Variants in ATG10 observed in about 807,000 individuals in gnomAD.
The protein encoded by ATG10 is ubiquitin-like-conjugating enzyme ATG10.
ATG10 carries 30 observed loss-of-function variants against 32.1 expected under a neutral mutation model. The observed-to-expected ratio is 0.94, with a 90% CI of 0.70 to 1.27. ATG10 has a LOEUF of 1.27. Ranked by LOEUF, ATG10 falls within the 50% of genes most tolerant of loss-of-function variation. The pLI, the probability that ATG10 is intolerant of heterozygous loss-of-function variation, is 0.00. For missense variants in ATG10, 233 were observed against 262.3 expected, an observed-to-expected ratio of 0.89 and a Z score of 0.77; for synonymous variants, 87 against 91.5, an observed-to-expected ratio of 0.95 and a Z score of 0.28.
chr5:81,986,618 A>G (rs916460905), intron 1 of ATG10, among the ~76,000 whole-genome samples: 2 of 152,164 alleles, frequency 1.3e-5, no homozygotes, highest in African/African-American at 4.8e-5. Flanking sequence ...TATCTAGTAT[A>G]GACAGATCAT....
chr5:82,195,268 G>A (rs891159), intron 5 of ATG10, among the ~76,000 whole-genome samples: 122,661 of 152,146 alleles, frequency 0.81, 49,797 homozygotes, highest in East Asian at 0.99. Flanking sequence ...TCTATCCCCA[G>A]ACTTGGCAGG....
intron 5 of ATG10, among the ~76,000 whole-genome samples, chr5:82,222,689 T>C (rs1450162619): frequency 6.6e-6 from 1 of 152,176 alleles, no homozygotes; most frequent in East Asian, 1.9e-4. Flanking sequence ...TATAGTTTTA[T>C]GGAAATTTGC....
chr5:81,989,342 G>A (rs2149669642), intron 2 of ATG10, among the ~76,000 whole-genome samples: 1 of 152,284 alleles, frequency 6.6e-6, no homozygotes, highest in South Asian at 2.1e-4. Flanking sequence ...TTTTGATCAG[G>A]TCCAGAGTGT....
intron 3 of ATG10, among the ~76,000 whole-genome samples, chr5:82,065,078 AT>A (rs1763899408): frequency 6.6e-6 from 1 of 152,214 alleles, no homozygotes; most frequent in Non-Finnish European, 1.5e-5. Context: ...AGTAGGTAGT[AT>A]GATTTTGCAT....
chr5:82,021,557 G>A (rs1762434717), intron 2 of ATG10, among the ~76,000 whole-genome samples: 2 of 152,324 alleles, frequency 1.3e-5, no homozygotes, highest in African/African-American at 2.4e-5. Flanking sequence ...AAGAAAAAAA[G>A]TCTGTACATG....
chr5:82,170,277 C>T (rs1743750740), intron 4 of ATG10, among the ~76,000 whole-genome samples: 1 of 152,192 alleles, frequency 6.6e-6, no homozygotes, highest in South Asian at 2.1e-4. Context: ...GTTTGAAATA[C>T]CTATTAAAAT....
chr5:82,085,721 G>A (rs1764660918), intron 3 of ATG10, among the ~76,000 whole-genome samples: 1 of 151,964 alleles, frequency 6.6e-6, no homozygotes, highest in Admixed American at 6.6e-5. Context: ...TTACAAAAGT[G>A]TTATTCTATT....
chr5:82,171,899 A>C (rs1157921208), intron 4 of ATG10, among the ~76,000 whole-genome samples: 2 of 152,240 alleles, frequency 1.3e-5, no homozygotes, highest in African/African-American at 4.8e-5. Context: ...AGGAAATCAG[A>C]GATGGATAAT....
At chr5:81,975,322 AAAT>A (rs1760837929) in intron 1 of ATG10, among the ~76,000 whole-genome samples, 1 of 152,218 alleles carries the variant, frequency 6.6e-6, no homozygotes, top group African/African-American at 2.4e-5. Context: ...GTATTCTGAA[AAAT>A]AAAAAAATAT....
chr5:81,974,874 TCTAC>T (rs67487412), intron 1 of ATG10, among the ~76,000 whole-genome samples: 3,528 of 152,322 alleles, frequency 0.023, 70 homozygotes, highest in Non-Finnish European at 0.038. Context: ...TCTTTACTGG[TCTAC>T]CTCATTTCAA....
rs564716039 is a variant in ATG10, at chr5:82,166,068, CTGA to C, written c.355+1535_355+1537del. Among the ~76,000 whole-genome samples the C allele has an allele frequency of 7.3e-4, 111 of 152,314 alleles. 2 individuals carry two copies. The highest frequency in any genetic ancestry group is 2.5e-3 in the African/African-American group (105 of 41,560). Reference sequence around the variant, plus strand: ...TGGAAGTGGGTCTTGCCAAGGCCTGCTGATGAGCTCATATGTGTGCTTTGCTCT... The same window carrying C: ...TGGAAGTGGGTCTTGCCAAGGCCTGCTGAGCTCATATGTGTGCTTTGCTCT... On this transcript the variant is annotated intron_variant, in intron 4 of 7. Transcript: ENST00000282185.
chr5:82,081,658 G>A (rs528571595), intron 3 of ATG10, among the ~76,000 whole-genome samples: 20 of 152,244 alleles, frequency 1.3e-4, no homozygotes, highest in South Asian at 8.3e-4. Context: ...GCTGGATTAC[G>A]TTTATTGATT....
At chr5:82,200,173 A>T (rs1442724265) in intron 5 of ATG10, among the ~76,000 whole-genome samples, 3 of 152,114 alleles carry the variant, frequency 2.0e-5, no homozygotes, top group Non-Finnish European at 4.4e-5. Flanking sequence ...TTTCTGGTCT[A>T]TATGATAATT....
intron 4 of ATG10, among the ~76,000 whole-genome samples, chr5:82,165,218 T>G (rs1252734102): frequency 6.6e-6 from 1 of 152,224 alleles, no homozygotes; most frequent in African/African-American, 2.4e-5. Flanking sequence ...CATTGGGATG[T>G]GCTGCCACCC....
chr5:82,163,514 TGTTTTAATGAGAG>T (rs2149898940), intron 3 of ATG10, among the ~76,000 whole-genome samples: 1 of 152,344 alleles, frequency 6.6e-6, no homozygotes, highest in East Asian at 1.9e-4. Flanking sequence ...TTGTTGTTAC[TGTTTTAATGAGAG>T]GTAGAAATGA....
At chr5:82,079,738 G>A (rs1764409043) in intron 3 of ATG10, among the ~76,000 whole-genome samples, 3 of 152,082 alleles carry the variant, frequency 2.0e-5, no homozygotes, top group Admixed American at 2.0e-4. Context: ...GTGTATATGT[G>A]CCACATTTTC....
chr5:82,067,555 C>CT (rs1217902580), intron 3 of ATG10, among the ~76,000 whole-genome samples: 1 of 152,086 alleles, frequency 6.6e-6, no homozygotes, highest in Non-Finnish European at 1.5e-5. Flanking sequence ...GCTGAATCTT[C>CT]TTTTTACTTT....
chr5:82,190,923 A>G (rs1744639967), intron 5 of ATG10, among the ~76,000 whole-genome samples: 1 of 152,162 alleles, frequency 6.6e-6, no homozygotes, highest in South Asian at 2.1e-4. Flanking sequence ...ATCCTTGTAT[A>G]TATAATTGAT....
chr5:82,052,321 C>T (rs1763457308), intron 2 of ATG10, among the ~76,000 whole-genome samples: 1 of 152,128 alleles, frequency 6.6e-6, no homozygotes, highest in Non-Finnish European at 1.5e-5. Context: ...TGGCATAGCC[C>T]TATGACAGCT....
Sources: allele counts gnomAD v4.1 joint callset (sites outside exome capture counted in the v4.1 genomes callset), GRCh38; gene constraint gnomAD v4.1.1; transcripts MANE v1.5; gene names NCBI Gene and HGNC (gene_info 2026-07-23, HGNC 2026-07-21).